BCAS3: variants seen among roughly 807,000 people sequenced by gnomAD.
BCAS3 encodes BCAS4/BCAS3 fusion.
In BCAS3, 53 loss-of-function variants were observed where a neutral mutation model predicts 116.1. The observed-to-expected ratio is 0.46, with a 90% CI of 0.37 to 0.57. The LOEUF (loss-of-function observed/expected upper bound fraction) is 0.57. Ranked by LOEUF, BCAS3 falls within the 20% of genes least tolerant of loss-of-function variation. The pLI is 0.00. For synonymous variants in BCAS3, 391 were observed against 408.2 expected, an observed-to-expected ratio of 0.96 and a Z score of 0.51; for missense variants, 917 against 1,165.4, an observed-to-expected ratio of 0.79 and a Z score of 3.10.
intron 12 of BCAS3, among the ~76,000 whole-genome samples, chr17:60,914,571 A>G (rs2058679781): frequency 2.0e-5 from 3 of 152,198 alleles, no homozygotes; most frequent in African/African-American, 7.2e-5. Context: ...AGAAAATAAA[A>G]TATGGTTGAC....
At chr17:60,850,828 G>A (rs567686031) in intron 7 of BCAS3, among the ~76,000 whole-genome samples, 7 of 152,162 alleles carry the variant, frequency 4.6e-5, no homozygotes, top group African/African-American at 1.2e-4. Context: ...ATCTATATGA[G>A]TAAAACAACA....
chr17:61,255,497 T>C (rs1193850896), intron 22 of BCAS3, among the ~76,000 whole-genome samples: 1 of 152,198 alleles, frequency 6.6e-6, no homozygotes, highest in Non-Finnish European at 1.5e-5. Flanking sequence ...ACAGAGGCTT[T>C]TGTAGCGCAT....
chr17:60,919,773 C>G (rs1036158585), intron 12 of BCAS3, among the ~76,000 whole-genome samples: 2 of 151,930 alleles, frequency 1.3e-5, no homozygotes, highest in African/African-American at 4.8e-5. Flanking sequence ...TATATTCAAT[C>G]AATGAGCTGT....
At chr17:61,070,816 A>G (rs1402540147) in intron 19 of BCAS3, among the ~76,000 whole-genome samples, 1 of 152,178 alleles carries the variant, frequency 6.6e-6, no homozygotes, top group African/African-American at 2.4e-5. Flanking sequence ...CTATATGTAG[A>G]CTGACTAAAA....
At chr17:61,057,619 A>G (rs984448182) in intron 19 of BCAS3, among the ~76,000 whole-genome samples, 2 of 152,156 alleles carry the variant, frequency 1.3e-5, no homozygotes, top group African/African-American at 4.8e-5. Context: ...AGACATGTTA[A>G]AAGAGGAGGA....
intron 7 of BCAS3, among the ~76,000 whole-genome samples, chr17:60,845,252 CAACA>C (rs1367715692): frequency 1.2e-4 from 18 of 152,042 alleles, no homozygotes; most frequent in Admixed American, 1.2e-3. Context: ...TAGATAACCC[CAACA>C]AACAAACAAA....
rs1352239759 is a variant in BCAS3, at chr17:61,228,669, C to A, written c.2426-139658C>A. Among the ~76,000 whole-genome samples, 3 of 152,104 alleles carry A rather than the reference C, an allele frequency of 2.0e-5. No individual in the cohort carries two copies. The highest frequency in any genetic ancestry group is 4.4e-5 in the Non-Finnish European group (3 of 68,018). On this transcript the variant is annotated intron_variant, in intron 22 of 23. Transcript: ENST00000407086. The surrounding 1 kb of genome is among the most constrained non-coding windows in gnomAD (Gnocchi z 5.0). ...GTTTGGGGGCACCCTCAAGCTATGCCCATGTAAAACAGCAAACTTAATAAA... is the reference window on the plus strand; with the variant it reads ...GTTTGGGGGCACCCTCAAGCTATGCACATGTAAAACAGCAAACTTAATAAA...
intron 22 of BCAS3, among the ~76,000 whole-genome samples, chr17:61,357,616 G>A (rs1359835036): frequency 6.7e-6 from 1 of 149,410 alleles, no homozygotes; most frequent in Non-Finnish European, 1.5e-5. Context: ...GCTAATGTTT[G>A]TATTTTGAGT....
chr17:60,850,634 G>A (rs2053048591), intron 7 of BCAS3, among the ~76,000 whole-genome samples: 1 of 152,068 alleles, frequency 6.6e-6, no homozygotes, highest in Non-Finnish European at 1.5e-5. Context: ...GCTGGGATTA[G>A]AGGCGTGAGC....
intron 14 of BCAS3, among the ~76,000 whole-genome samples, chr17:60,974,771 C>T (rs79893800): frequency 0.038 from 5,739 of 152,130 alleles, 413 homozygotes; most frequent in African/African-American, 0.13. Context: ...GTATTTGTAT[C>T]TCATTAGTTG....
intron 22 of BCAS3, among the ~76,000 whole-genome samples, chr17:61,303,865 TG>T (rs763239602): frequency 2.0e-5 from 3 of 152,234 alleles, no homozygotes; most frequent in Non-Finnish European, 2.9e-5. Flanking sequence ...GTCTTGTGCC[TG>T]GCACTTAGTA....
intron 7 of BCAS3, among the ~76,000 whole-genome samples, chr17:60,837,806 C>T (rs547394081): frequency 9.2e-5 from 14 of 152,048 alleles, no homozygotes; most frequent in African/African-American, 3.1e-4. Flanking sequence ...TGCGTGCCAC[C>T]ATGCTTGGCT....
intron 19 of BCAS3, among the ~76,000 whole-genome samples, chr17:61,047,832 C>T (rs1414013042): frequency 1.3e-5 from 2 of 151,992 alleles, no homozygotes; most frequent in African/African-American, 2.4e-5. Flanking sequence ...AATGTTTCCT[C>T]CTTTCTTTCA....
intron 5 of BCAS3, among the ~76,000 whole-genome samples, chr17:60,711,465 ACTGAAGAC>A (rs2037921011): frequency 1.4e-5 from 2 of 145,356 alleles, no homozygotes; most frequent in African/African-American, 5.7e-5. Flanking sequence ...TGTTGACAGT[ACTGAAGAC>A]AGAGGAAGTT....
At chr17:60,684,059 G>T (rs1030714932) in intron 3 of BCAS3, 23 bp downstream of exon 3, 4 of 1,609,988 alleles carry the variant, frequency 2.5e-6, no homozygotes, top group Non-Finnish European at 2.5e-6. Context: ...ATGTGCTTTC[G>T]CCTTTCCCTT....
chr17:60,694,623 C>T (rs908011291), intron 4 of BCAS3, among the ~76,000 whole-genome samples: 5 of 150,444 alleles, frequency 3.3e-5, no homozygotes, highest in African/African-American at 9.8e-5. Context: ...GGATTTTAGG[C>T]GTGAGCCACC....
intron 14 of BCAS3, among the ~76,000 whole-genome samples, chr17:60,978,962 CT>C (rs1315724741): frequency 7.1e-6 from 1 of 140,458 alleles, no homozygotes; most frequent in Non-Finnish European, 1.5e-5. Context: ...GTTCTTTTGG[CT>C]TAGGATTGCC....
chr17:60,681,530 T>C (rs958645448), intron 2 of BCAS3, among the ~76,000 whole-genome samples: 5 of 151,064 alleles, frequency 3.3e-5, no homozygotes, highest in Non-Finnish European at 7.4e-5. Context: ...ATAGATATAT[T>C]TTATATGTAT....
At chr17:60,790,378 A>T (rs2046656084) in intron 6 of BCAS3, among the ~76,000 whole-genome samples, 1 of 152,224 alleles carries the variant, frequency 6.6e-6, no homozygotes, top group South Asian at 2.1e-4. Flanking sequence ...AAGACCAGGA[A>T]GTAGAAGGAA....
Sources: gnomAD v4.1 joint callset for allele counts (sites outside exome capture counted in the v4.1 genomes callset) on GRCh38, gnomAD v4.1.1 for gene constraint, Gnocchi (gnomAD v3.1) non-coding constraint, MANE v1.5 for transcripts, NCBI Gene and HGNC (gene_info 2026-07-23, HGNC 2026-07-21) for gene names.